The following CNKSR2 variants were observed in gnomAD, a reference collection of about 807,000 sequenced individuals.
CNKSR2 encodes CNK homolog protein 2.
In CNKSR2, 14 loss-of-function variants were observed where a neutral mutation model predicts 84.4. The ratio of observed to expected loss-of-function variants is 0.17; its 90% CI spans 0.11 to 0.26. The LOEUF (loss-of-function observed/expected upper bound fraction) is 0.26. CNKSR2 is among the 10% of genes least tolerant of loss of function. The pLI, the probability that CNKSR2 is intolerant of heterozygous loss-of-function variation, is 1.00. For synonymous variants in CNKSR2, 275 were observed against 277.9 expected, an observed-to-expected ratio of 0.99 and a Z score of 0.10; for missense variants, 485 against 771.2, an observed-to-expected ratio of 0.63 and a Z score of 4.40.
At chrX:21,452,836 TA>T (rs1210981146) in intron 4 of CNKSR2, among the ~76,000 whole-genome samples, 1 of 103,951 alleles carries the variant, frequency 9.6e-6, no homozygotes, top group African/African-American at 3.6e-5. Context: ...CCCCATGTGT[TA>T]AAAAAAATTT....
intron 20 of CNKSR2, chrX:21,643,148 A>G (rs779118086): frequency 9.0e-6 from 1 of 110,878 alleles, no homozygotes; most frequent in Admixed American, 9.7e-5. Context: ...TCCTTTATGA[A>G]TTCCTGCCTG....
intron 13 of CNKSR2, among the ~76,000 whole-genome samples, chrX:21,587,210 T>G (rs1199972251): frequency 1.8e-5 from 2 of 111,621 alleles, no homozygotes; most frequent in Non-Finnish European, 3.8e-5. Context: ...AAGTAATACA[T>G]TCAAATTGCT....
chrX:21,469,860 C>T (rs1307291636), intron 4 of CNKSR2, among the ~76,000 whole-genome samples: 2 of 110,058 alleles, frequency 1.8e-5, no homozygotes, highest in Non-Finnish European at 3.8e-5. Flanking sequence ...TGCAGTGAGC[C>T]GAGATCACAC....
chrX:21,443,679 G>A (rs2090815706), intron 4 of CNKSR2, among the ~76,000 whole-genome samples: 1 of 111,545 alleles, frequency 9.0e-6, no homozygotes, highest in South Asian at 3.7e-4. Context: ...AACAATTAGT[G>A]CTGTTGCTTT....
intron 11 of CNKSR2, among the ~76,000 whole-genome samples, chrX:21,555,183 CT>C (rs1159217648): frequency 4.5e-5 from 5 of 110,314 alleles, no homozygotes; most frequent in Admixed American, 2.9e-4. Flanking sequence ...CCTTTGCCCA[CT>C]TTTTTTATGG....
chrX:21,531,892 A>G lies in CNKSR2; in HGVS notation c.1128A>G (p.Arg376=). Residue 376 remains arginine (R), a synonymous_variant, in exon 11 of 22, where the codon AGA becomes AGG. Coordinates refer to ENST00000379510, the MANE Select transcript of CNKSR2 (RefSeq NM_014927.5). ...EKGNLPCEDL[R]GHMVGKPVHK... ...GAAACCTTCCTTGTGAAGACCTCAGAGGACATATGGTGGGCAAGCCAGTGC... is the reference window on the plus strand; with the variant it reads ...GAAACCTTCCTTGTGAAGACCTCAGGGGACATATGGTGGGCAAGCCAGTGC... 8.3e-7 allele frequency: 1 copy of G among 1,207,636 alleles called. No homozygotes were observed. Among genetic ancestry groups the G allele is most frequent in the Non-Finnish European group, 1.1e-6 (1 of 892,416 alleles).
intron 8 of CNKSR2, among the ~76,000 whole-genome samples, chrX:21,513,904 C>T (rs983895722): frequency 1.8e-5 from 2 of 111,596 alleles, no homozygotes; most frequent in Non-Finnish European, 1.9e-5. Flanking sequence ...GCTATTCATA[C>T]ACTAGGTTCA....
At chrX:21,447,292 C>T (rs941916559) in intron 4 of CNKSR2, among the ~76,000 whole-genome samples, 4 of 111,321 alleles carry the variant, frequency 3.6e-5, no homozygotes, top group Non-Finnish European at 5.7e-5. Context: ...AGTGTAATTA[C>T]TAGGAGTGTA....
chrX:21,398,230 A>C (rs778890481), intron 1 of CNKSR2, among the ~76,000 whole-genome samples: 23 of 112,164 alleles, frequency 2.1e-4, no homozygotes, highest in Non-Finnish European at 3.9e-4. Context: ...TAATAACTAA[A>C]AGTATTTAAC....
At chrX:21,520,692 T>C (rs188159916) in intron 9 of CNKSR2, among the ~76,000 whole-genome samples, 1,739 of 108,474 alleles carry the variant, frequency 0.016, 35 homozygotes, top group African/African-American at 0.055. Flanking sequence ...AACCCAGCTT[T>C]TTTTTTTTTT....
At chrX:21,632,151 A>C (rs2092650913) in intron 20 of CNKSR2, among the ~76,000 whole-genome samples, 1 of 111,831 alleles carries the variant, frequency 8.9e-6, no homozygotes. Flanking sequence ...CCTTCTTAGC[A>C]GGTTGCCATG....
chrX:21,575,279 T>C lies in CNKSR2; in HGVS notation c.1608+11827T>C, dbSNP rs757321255. Among the ~76,000 whole-genome samples, 18 of 111,469 alleles carry C rather than the reference T, an allele frequency of 1.6e-4. No individual in the cohort carries two copies. In the East Asian group the frequency reaches 4.8e-3, roughly 30 times the overall value. On this transcript the variant is annotated intron_variant, in intron 13 of 21. Coordinates refer to ENST00000379510, the MANE Select transcript of CNKSR2 (RefSeq NM_014927.5). ...GTTCACTTGTACTTCCTCACTTATT[T>C]ATATAATTTGTTCTTTTTGCTTTCA... is the stretch of plus-strand genomic sequence containing the variant.
chrX:21,582,336 A>G (rs767047542), intron 13 of CNKSR2, among the ~76,000 whole-genome samples: 24 of 112,241 alleles, frequency 2.1e-4, no homozygotes, highest in Non-Finnish European at 4.3e-4. Flanking sequence ...CTCACTGATA[A>G]TCTTTCTGTT....
intron 1 of CNKSR2, among the ~76,000 whole-genome samples, chrX:21,403,673 A>G (rs1014475583): frequency 8.9e-6 from 1 of 112,116 alleles, no homozygotes; most frequent in African/African-American, 3.2e-5. Flanking sequence ...AAAATAAAGC[A>G]GAAAGGATGC....
In CNKSR2 at chrX:21,642,170, C is replaced by A. The variant is rs147058777; in HGVS notation, c.2693-6661C>A. On this transcript the variant is annotated intron_variant, in intron 20 of 21. Coordinates refer to ENST00000379510, the MANE Select transcript of CNKSR2 (RefSeq NM_014927.5). ...ATTAAGGCAAGGTATACACAATTTG[C>A]TTTGAAACTTACTATGTTTATTCTA... 5.7e-3 allele frequency: 4,233 copies of A among 741,707 alleles called. 91 individuals carry two copies. The African/African-American group carries it at 0.071, about 12-fold the overall frequency. 61.1% of individuals were successfully genotyped at this position (741,707 alleles called of 1,213,427 possible). A position where few individuals can be genotyped will look rare whatever the true frequency, so the allele number is the denominator to read the frequency against.
chrX:21,387,265 T>G (rs2089982768), intron 1 of CNKSR2, among the ~76,000 whole-genome samples: 2 of 111,519 alleles, frequency 1.8e-5, no homozygotes, highest in Non-Finnish European at 3.8e-5. Flanking sequence ...GCAAATCACT[T>G]GAGCTCAGGA....
intron 9 of CNKSR2, 146 bp from the exon 10 acceptor site, chrX:21,526,721 T>G (rs903528777): frequency 2.2e-5 from 11 of 501,143 alleles, no homozygotes; most frequent in African/African-American, 2.2e-4. Context: ...AATAACATGT[T>G]TCTTGATTTC....
intron 11 of CNKSR2, among the ~76,000 whole-genome samples, chrX:21,544,536 T>C (rs1225919614): frequency 2.7e-5 from 3 of 112,345 alleles, no homozygotes; most frequent in Non-Finnish European, 5.6e-5. Context: ...TCTGAAAGAA[T>C]TCAAGGTACT....
At chrX:21,589,603 A>AT (rs2092408422) in intron 13 of CNKSR2, among the ~76,000 whole-genome samples, 3 of 112,015 alleles carry the variant, frequency 2.7e-5, no homozygotes, top group Non-Finnish European at 3.8e-5. Context: ...GACTAACTGG[A>AT]GCCAGTGATG....
Sources: gnomAD v4.1 joint callset for allele counts (sites outside exome capture counted in the v4.1 genomes callset) on GRCh38, gnomAD v4.1.1 for gene constraint, MANE v1.5 for transcripts, NCBI Gene and HGNC (gene_info 2026-07-23, HGNC 2026-07-21) for gene names.